Variants in OSBPL8 observed in about 807,000 individuals in gnomAD.
OSBPL8 encodes the protein oxysterol-binding protein-related protein 8.
Under a neutral mutation model 125.5 loss-of-function variants are expected in OSBPL8, and 59 were observed. That is an observed-to-expected ratio of 0.47 (90% confidence interval 0.38 to 0.58). The LOEUF (loss-of-function observed/expected upper bound fraction) is 0.58. Ranked by LOEUF, OSBPL8 falls within the 20% of genes least tolerant of loss-of-function variation. OSBPL8 has a pLI of 0.00. For missense variants in OSBPL8, 758 were observed against 1,047.8 expected (o/e 0.72, Z 3.82); for synonymous variants, 330 against 338.9 (o/e 0.97, Z 0.29).
At chr12:76,433,610 G>A (rs1180395757) in intron 4 of OSBPL8, among the ~76,000 whole-genome samples, 3 of 152,066 alleles carry the variant, frequency 2.0e-5, no homozygotes, top group Admixed American at 6.6e-5. Context: ...TTGTTAAAAT[G>A]TCCATCCTAT....
At chr12:76,473,088 A>G (rs1030784990) in intron 2 of OSBPL8, among the ~76,000 whole-genome samples, 2 of 152,140 alleles carry the variant, frequency 1.3e-5, no homozygotes, top group African/African-American at 4.8e-5. Context: ...CTGTCCGGGC[A>G]TAACAGAAGG....
chr12:76,440,193 A>G (rs1872007614), intron 4 of OSBPL8, among the ~76,000 whole-genome samples: 1 of 152,116 alleles, frequency 6.6e-6, no homozygotes, highest in South Asian at 2.1e-4. Context: ...TCACCCATTA[A>G]ATTTCATTCT....
At chr12:76,392,811 T>A (rs369555575) in intron 9 of OSBPL8, 59 bp from the exon 10 acceptor site, 224 of 1,475,420 alleles carry the variant, frequency 1.5e-4, no homozygotes, top group East Asian at 7.6e-4. Flanking sequence ...CTAGCATGCA[T>A]CTTAACTTAC....
intron 4 of OSBPL8, among the ~76,000 whole-genome samples, chr12:76,427,890 A>C (rs997215767): frequency 6.6e-6 from 1 of 152,096 alleles, no homozygotes; most frequent in African/African-American, 2.4e-5. Flanking sequence ...TGGGTCACAA[A>C]CAGTGCTTCT....
rs142841708 is a variant in OSBPL8 at position 76,431,981 on chromosome 12, A to G, written c.217+18870T>C. Among the ~76,000 whole-genome samples, 29 of 152,286 alleles carry G rather than the reference A, an allele frequency of 1.9e-4. No individual in the cohort carries two copies. In the East Asian group the frequency reaches 5.6e-3, roughly 29 times the overall value. ...CTTCAGGATAGATCCTATGTTAGGT[A>G]ACCAAAAAAGTCTTAAAAAATTTAA... On this transcript the variant is annotated intron_variant, in intron 4 of 23. Coordinates refer to ENST00000261183, the MANE Select transcript of OSBPL8 (RefSeq NM_020841.5).
intron 1 of OSBPL8, among the ~76,000 whole-genome samples, chr12:76,518,593 G>C (rs760951852): frequency 2.3e-4 from 35 of 152,360 alleles, no homozygotes; most frequent in Non-Finnish European, 3.8e-4. Flanking sequence ...GAGGTTCTCT[G>C]TGAGGGCTCC....
chr12:76,358,751 A>T lies in OSBPL8; in HGVS notation c.2389T>A (p.Tyr797Asn). 6.2e-7 allele frequency: 1 copy of T among 1,614,118 alleles called. No individual in the cohort carries two copies. The highest frequency in any genetic ancestry group is 8.5e-7 in the Non-Finnish European group (1 of 1,179,996). The change falls in exon 22 of 24, where the codon TAT (tyrosine) becomes AAT (asparagine). Residue 797 changes from tyrosine (Y) to asparagine (N), a missense_variant. Transcript: ENST00000261183. ...TGAATGTCAGGTTCTGGGGAGGAATAGCCTTTTGCTACTTTCTTCTGTTGC... is the reference window on the plus strand; with the variant it reads ...TGAATGTCAGGTTCTGGGGAGGAATTGCCTTTTGCTACTTTCTTCTGTTGC... ...TRQQKKVAKG[Y>N]SSPEPDIQDS...
At chr12:76,452,711 G>T (rs1455765884) in intron 3 of OSBPL8, among the ~76,000 whole-genome samples, 1 of 152,162 alleles carries the variant, frequency 6.6e-6, no homozygotes, top group Non-Finnish European at 1.5e-5. Flanking sequence ...ATTCAACACA[G>T]TCTGGCCTGC....
chr12:76,473,372 CCA>C (rs1247043051), intron 2 of OSBPL8, among the ~76,000 whole-genome samples: 1 of 152,006 alleles, frequency 6.6e-6, no homozygotes, highest in African/African-American at 2.4e-5. Flanking sequence ...GGCTTGCCAC[CCA>C]CACACTACCA....
At chr12:76,457,318 C>T (rs968646054) in intron 3 of OSBPL8, among the ~76,000 whole-genome samples, 4 of 152,026 alleles carry the variant, frequency 2.6e-5, no homozygotes, top group Non-Finnish European at 4.4e-5. Context: ...GGAATGGCAA[C>T]GTGTACGGTG....
At chr12:76,373,279 A>T (rs1952688047) in intron 18 of OSBPL8, 65 bp downstream of exon 18, 4 of 1,005,886 alleles carry the variant, frequency 4.0e-6, no homozygotes, top group Non-Finnish European at 5.6e-6. Context: ...TTAAATTTTA[A>T]ATGTGATTTT....
chr12:76,542,306 C>CTA (rs1227847451), intron 1 of OSBPL8, among the ~76,000 whole-genome samples: 5 of 152,248 alleles, frequency 3.3e-5, no homozygotes, highest in Non-Finnish European at 5.9e-5. Context: ...AGCTCTCCCT[C>CTA]TATCTCAGGG....
Position 76,390,951 on chromosome 12 carries a change from C to T in OSBPL8, c.930-294G>A, listed in dbSNP as rs934718569. 4.6e-5 allele frequency among the ~76,000 whole-genome samples: 7 copies of T among 152,044 alleles called. No homozygotes were observed. The East Asian group carries it at 1.4e-3, about 29-fold the overall frequency. On this transcript the variant is annotated intron_variant, in intron 10 of 23. Coordinates refer to ENST00000261183, the MANE Select transcript of OSBPL8 (RefSeq NM_020841.5). ...CTCTCTACCACTTGGGGCTAAAATC[C>T]TCCAAAACCAAGAGTTTAGACTTCT...
rs574572981 is a variant in OSBPL8, at chr12:76,498,042, A to G, written c.-67-10424T>C. Among the ~76,000 whole-genome samples, 3 of 152,360 alleles carry G rather than the reference A, an allele frequency of 2.0e-5. No homozygotes were observed. The South Asian group carries it at 6.2e-4, about 32-fold the overall frequency. On this transcript the variant is annotated intron_variant, in intron 1 of 23. Transcript: ENST00000261183. ...CATTTTCAGTGACTAGCATGTGATA[A>G]ATGCCCAATAAATGTTTGTTAGTCA...
In OSBPL8 at chr12:76,487,597, C is replaced by T. The variant is rs1005814450; in HGVS notation, c.-46G>A. ...TGCTTCTCTTTCCATTAATGTGCAGCCATTCTGTAAATCTGCAAATCCTAA... is the reference window on the plus strand; with the variant it reads ...TGCTTCTCTTTCCATTAATGTGCAGTCATTCTGTAAATCTGCAAATCCTAA... On this transcript the variant is annotated 5_prime_UTR_variant, in exon 2 of 24. Transcript: ENST00000261183. 2.0e-6 allele frequency: 3 copies of T among 1,510,092 alleles called. No homozygotes were observed. The highest frequency in any genetic ancestry group is 2.8e-5 in the African/African-American group (2 of 70,544). The allele number at this position is 1,510,092 out of a possible 1,614,324, so 93.5% of individuals were successfully genotyped here. A position where few individuals can be genotyped will look rare whatever the true frequency, so the allele number is the denominator to read the frequency against.
chr12:76,545,544 A>C (rs1314199462), intron 1 of OSBPL8, among the ~76,000 whole-genome samples: 2 of 152,198 alleles, frequency 1.3e-5, no homozygotes, highest in African/African-American at 2.4e-5. Context: ...AAGGAATTTT[A>C]TTACTGATAT....
intron 8 of OSBPL8, among the ~76,000 whole-genome samples, chr12:76,395,863 AG>A (rs1953770174): frequency 6.6e-6 from 1 of 152,070 alleles, no homozygotes; most frequent in Non-Finnish European, 1.5e-5. Flanking sequence ...GCTTGTGGGA[AG>A]TATTTATATA....
intron 20 of OSBPL8, among the ~76,000 whole-genome samples, 156 bp from the exon 21 acceptor site, chr12:76,369,457 A>G (rs971738866): frequency 3.3e-4 from 50 of 152,138 alleles, no homozygotes; most frequent in Admixed American, 3.3e-3. Flanking sequence ...AACTTATTTT[A>G]TAGGCTAACT....
intron 3 of OSBPL8, among the ~76,000 whole-genome samples, chr12:76,451,490 T>A (rs1592706313): frequency 6.6e-6 from 1 of 152,242 alleles, no homozygotes; most frequent in East Asian, 1.9e-4. Context: ...AAAGTCGGTA[T>A]GATAACTGTT....
Sources: allele counts gnomAD v4.1 joint callset (sites outside exome capture counted in the v4.1 genomes callset), GRCh38; gene constraint gnomAD v4.1.1; transcripts MANE v1.5; gene names NCBI Gene and HGNC (gene_info 2026-07-23, HGNC 2026-07-21).